PIK3C2G: variants seen among roughly 807,000 people sequenced by gnomAD.
PIK3C2G encodes phosphatidylinositol-4-phosphate 3-kinase catalytic subunit type 2 gamma.
PIK3C2G carries 168 observed loss-of-function variants against 181.1 expected under a neutral mutation model. That is an observed-to-expected ratio of 0.93 (90% confidence interval 0.82 to 1.05). The LOEUF (loss-of-function observed/expected upper bound fraction) is 1.05. PIK3C2G is among the 50% of genes least tolerant of loss of function. The pLI is 0.00. For missense variants in PIK3C2G, 1,869 were observed against 1,732.8 expected, an observed-to-expected ratio of 1.08 and a Z score of -1.40; for synonymous variants, 573 against 592.2, an observed-to-expected ratio of 0.97 and a Z score of 0.47.
At chr12:18,554,278 T>C (rs1944886574) in intron 26 of PIK3C2G, among the ~76,000 whole-genome samples, 1 of 152,024 alleles carries the variant, frequency 6.6e-6, no homozygotes, top group Admixed American at 6.6e-5. Context: ...GTCAGATAAA[T>C]ATAAATGTTC....
intron 23 of PIK3C2G, 43 bp from the exon 24 acceptor site, chr12:18,505,249 T>G: frequency 1.3e-6 from 2 of 1,509,714 alleles, no homozygotes; most frequent in Non-Finnish European, 1.8e-6. Flanking sequence ...CATTTGCTCA[T>G]TTTTTGTTGT....
upstream of PIK3C2G, among the ~76,000 whole-genome samples, chr12:18,243,340 T>A (rs1437401329): frequency 6.6e-6 from 1 of 151,732 alleles, no homozygotes; most frequent in Admixed American, 6.6e-5. Flanking sequence ...GATAAAAAAA[T>A]TTTAAAAGAA....
chr12:18,569,209 T>G (rs1462214486), intron 29 of PIK3C2G, among the ~76,000 whole-genome samples: 1 of 152,108 alleles, frequency 6.6e-6, no homozygotes, highest in Non-Finnish European at 1.5e-5. Flanking sequence ...AGTTGCCATC[T>G]TTCAAGCTGA....
chr12:18,664,573 A>G, the PIK3C2G span, among the ~76,000 whole-genome samples: 314 of 152,276 alleles, frequency 2.1e-3, 3 homozygotes, highest in African/African-American at 7.3e-3. Context: ...GTTCAAAATC[A>G]TGGAGACAAT....
At chr12:18,326,867 G>T (rs1951368479) in intron 8 of PIK3C2G, among the ~76,000 whole-genome samples, 1 of 152,054 alleles carries the variant, frequency 6.6e-6, no homozygotes. Flanking sequence ...ACTTATGAAT[G>T]AATTTTAGTT....
intron 30 of PIK3C2G, among the ~76,000 whole-genome samples, chr12:18,598,543 C>A (rs939564940): frequency 3.3e-5 from 5 of 151,628 alleles, no homozygotes; most frequent in African/African-American, 1.2e-4. Context: ...AACCATAAAA[C>A]CCTAGAAGAA....
At chr12:18,634,693 T>C (rs2136752703) in intron 31 of PIK3C2G, among the ~76,000 whole-genome samples, 1 of 152,188 alleles carries the variant, frequency 6.6e-6, no homozygotes, top group South Asian at 2.1e-4. Flanking sequence ...AGGCAAAACC[T>C]CCACCCCTAC....
intron 29 of PIK3C2G, among the ~76,000 whole-genome samples, chr12:18,568,512 T>C (rs978900823): frequency 6.6e-6 from 1 of 152,070 alleles, no homozygotes; most frequent in Admixed American, 6.6e-5. Context: ...TAGGGTGGGC[T>C]GGCAGGCCGG....
the PIK3C2G span, chr12:18,685,765 C>G: frequency 2.5e-6 from 1 of 392,714 alleles, no homozygotes; most frequent in Middle Eastern, 3.8e-4. Context: ...TCTTCTTCCT[C>G]CAATCCTACT....
intron 17 of PIK3C2G, among the ~76,000 whole-genome samples, chr12:18,422,480 C>G (rs577414409): frequency 1.3e-3 from 198 of 152,072 alleles, no homozygotes; most frequent in African/African-American, 3.9e-3. Context: ...TAGAATTATG[C>G]AGTCTATATT....
At chr12:18,342,686 C>T (rs1939255072) in intron 9 of PIK3C2G, among the ~76,000 whole-genome samples, 1 of 151,660 alleles carries the variant, frequency 6.6e-6, no homozygotes, top group Non-Finnish European at 1.5e-5. Flanking sequence ...CAAAGTAATT[C>T]TAGGCTTCTA....
chr12:18,711,187 T>C, the PIK3C2G span, among the ~76,000 whole-genome samples: 3 of 151,980 alleles, frequency 2.0e-5, no homozygotes, highest in East Asian at 3.9e-4. Context: ...ATATACACCA[T>C]GGAATACTAT....
chr12:18,585,633 G>A (rs1003847375), intron 29 of PIK3C2G, among the ~76,000 whole-genome samples: 2 of 152,162 alleles, frequency 1.3e-5, no homozygotes, highest in Non-Finnish European at 2.9e-5. Flanking sequence ...GTACTAGACA[G>A]ATCATTGAGG....
intron 31 of PIK3C2G, among the ~76,000 whole-genome samples, chr12:18,634,871 T>C (rs182909022): frequency 6.6e-6 from 1 of 152,194 alleles, no homozygotes; most frequent in Admixed American, 6.5e-5. Context: ...ATCTTCACTT[T>C]TTTTTTGCCC....
At chr12:18,323,079 G>T (rs889285333) in intron 7 of PIK3C2G, among the ~76,000 whole-genome samples, 9 of 152,152 alleles carry the variant, frequency 5.9e-5, no homozygotes, top group African/African-American at 2.2e-4. Context: ...AGAGAGGCAA[G>T]CCAAGGCTGT....
intron 18 of PIK3C2G, among the ~76,000 whole-genome samples, chr12:18,480,043 G>C (rs1302907616): frequency 6.6e-6 from 1 of 152,266 alleles, no homozygotes; most frequent in East Asian, 1.9e-4. Context: ...AGCAGAACAA[G>C]GTGGAGTTTT....
intron 12 of PIK3C2G, among the ~76,000 whole-genome samples, chr12:18,369,089 A>G (rs1592082426): frequency 1.3e-5 from 2 of 152,284 alleles, no homozygotes; most frequent in African/African-American, 4.8e-5. Context: ...ATTTAACATC[A>G]AAGTTCAACT....
At chr12:18,251,277 T>G (rs914332410) in intron 1 of PIK3C2G, among the ~76,000 whole-genome samples, 1 of 152,004 alleles carries the variant, frequency 6.6e-6, no homozygotes, top group African/African-American at 2.4e-5. Context: ...CTGTTATATT[T>G]AGAATGGAAA....
At chr12:18,690,449 T>C in the PIK3C2G span, among the ~76,000 whole-genome samples, 2 of 152,232 alleles carry the variant, frequency 1.3e-5, no homozygotes, top group Admixed American at 1.3e-4. Flanking sequence ...GGTCTTGAAC[T>C]CTTGACCTCA....
Sources: allele counts gnomAD v4.1 joint callset (sites outside exome capture counted in the v4.1 genomes callset), GRCh38; gene constraint gnomAD v4.1.1; transcripts MANE v1.5; gene names NCBI Gene and HGNC (gene_info 2026-07-23, HGNC 2026-07-21).